ATRNL1: variants seen among roughly 807,000 people sequenced by gnomAD.
ATRNL1 encodes attractin-like protein 1.
A neutral mutation model predicts 182.7 loss-of-function variants in ATRNL1; 95 were observed. The ratio of observed to expected loss-of-function variants is 0.52; its 90% confidence interval spans 0.44 to 0.62. ATRNL1 has a LOEUF of 0.62. ATRNL1 is among the 20% of genes least tolerant of loss of function. The probability of loss-of-function intolerance (pLI) is 0.00; values close to 1 mark genes in which losing one functional copy is unlikely to be tolerated. For missense variants in ATRNL1, 1,471 were observed against 1,679.5 expected (o/e 0.88, Z 2.17); for synonymous variants, 576 against 568.3 (o/e 1.01, Z -0.19).
chr10:115,287,924 G>GTTTTTTTTTTTT (rs11298663), intron 15 of ATRNL1, among the ~76,000 whole-genome samples: 2 of 91,020 alleles, frequency 2.2e-5, no homozygotes, highest in Non-Finnish European at 4.3e-5. Flanking sequence ...AAGATCAACT[G>GTTTTTTTTTTTT]TTTTTTTTTT....
At chr10:115,210,481 C>T (rs1482318209) in intron 8 of ATRNL1, among the ~76,000 whole-genome samples, 1 of 151,898 alleles carries the variant, frequency 6.6e-6, no homozygotes, top group East Asian at 1.9e-4. Flanking sequence ...CACATACCTC[C>T]TTTCTACCCT....
chr10:115,589,971 TTGTC>T (rs1175766120), intron 26 of ATRNL1, among the ~76,000 whole-genome samples: 3 of 152,230 alleles, frequency 2.0e-5, no homozygotes, highest in African/African-American at 7.2e-5. Context: ...TTTGTGTTGG[TTGTC>T]TGTAAGTTAG....
intron 8 of ATRNL1, among the ~76,000 whole-genome samples, chr10:115,189,069 A>G (rs1554889341): frequency 1.3e-5 from 2 of 152,136 alleles, no homozygotes; most frequent in African/African-American, 4.8e-5. Context: ...CAGACTGAAT[A>G]TATGATGGAG....
intron 13 of ATRNL1, among the ~76,000 whole-genome samples, chr10:115,269,357 CAG>C (rs1199185335): frequency 6.6e-6 from 1 of 152,012 alleles, no homozygotes; most frequent in African/African-American, 2.4e-5. Flanking sequence ...TTTTTTGAGA[CAG>C]AGTCTCACTC....
intron 27 of ATRNL1, among the ~76,000 whole-genome samples, chr10:115,783,564 C>G (rs1267808254): frequency 6.6e-6 from 1 of 152,034 alleles, no homozygotes; most frequent in African/African-American, 2.4e-5. Context: ...TGCAAAGTAC[C>G]TACACATTTA....
chr10:115,836,425 T>C lies in ATRNL1; in HGVS notation c.3904-11452T>C, dbSNP rs553345997. Among the ~76,000 whole-genome samples, 7 of 152,268 alleles carry C rather than the reference T, an allele frequency of 4.6e-5. No homozygotes were observed. In the South Asian group the frequency reaches 1.5e-3, roughly 32 times the overall value. On this transcript the variant is annotated intron_variant, in intron 27 of 28. Transcript: ENST00000355044. The stretch of plus-strand genomic sequence containing the variant: ...TCCTGAGGGCTAAATTACCACAAAC[T>C]TGGTGGCTTAAAAAAACAGTCTGGG...
intron 19 of ATRNL1, among the ~76,000 whole-genome samples, chr10:115,349,146 A>G (rs911591889): frequency 3.3e-5 from 5 of 152,182 alleles, no homozygotes; most frequent in African/African-American, 4.8e-5. Flanking sequence ...AGTAACCACC[A>G]TTTCATTCAC....
chr10:115,850,376 A>G (rs1426647955), intron 28 of ATRNL1, among the ~76,000 whole-genome samples: 1 of 152,204 alleles, frequency 6.6e-6, no homozygotes, highest in Non-Finnish European at 1.5e-5. Flanking sequence ...ATCATCATCT[A>G]GGTTTTCCCA....
chr10:115,113,020 G>A (rs1844324538), intron 1 of ATRNL1, among the ~76,000 whole-genome samples: 1 of 152,176 alleles, frequency 6.6e-6, no homozygotes, highest in Non-Finnish European at 1.5e-5. Context: ...AATTGTAACA[G>A]GTGAAGCATG....
At chr10:115,658,090 CTTTTTTTTTTTT>C (rs71010038) in intron 26 of ATRNL1, among the ~76,000 whole-genome samples, 1 of 90,288 alleles carries the variant, frequency 1.1e-5, no homozygotes, top group African/African-American at 4.3e-5. Flanking sequence ...AATTTTTTTC[CTTTTTTTTTTTT>C]TTTTTTTTTT....
chr10:115,165,890 C>T (rs1250174341), intron 7 of ATRNL1, among the ~76,000 whole-genome samples: 2 of 152,014 alleles, frequency 1.3e-5, no homozygotes, highest in Non-Finnish European at 2.9e-5. Flanking sequence ...CCTAGTCAAT[C>T]ACTTAAAAAA....
At chr10:115,599,811 T>TA (rs1169852314) in intron 26 of ATRNL1, among the ~76,000 whole-genome samples, 2 of 152,176 alleles carry the variant, frequency 1.3e-5, no homozygotes, top group Admixed American at 1.3e-4. Context: ...TGTGCTAACT[T>TA]AAAAAATCAA....
chr10:115,822,122 A>T (rs1386993882), intron 27 of ATRNL1, among the ~76,000 whole-genome samples: 2 of 152,256 alleles, frequency 1.3e-5, no homozygotes, highest in African/African-American at 4.8e-5. Context: ...AGGATTAAGA[A>T]ACTCACTCAA....
intron 18 of ATRNL1, among the ~76,000 whole-genome samples, chr10:115,321,070 T>C (rs1554931328): frequency 6.6e-6 from 1 of 152,180 alleles, no homozygotes; most frequent in African/African-American, 2.4e-5. Flanking sequence ...CTGTTTACCC[T>C]TGGATAGGGT....
intron 26 of ATRNL1, among the ~76,000 whole-genome samples, chr10:115,595,569 C>T (rs1280810672): frequency 6.6e-6 from 1 of 151,936 alleles, no homozygotes; most frequent in Non-Finnish European, 1.5e-5. Flanking sequence ...ATTTTCATTT[C>T]CTTGTTTGCT....
intron 28 of ATRNL1, among the ~76,000 whole-genome samples, chr10:115,861,823 G>T (rs1951323285): frequency 6.6e-6 from 1 of 151,930 alleles, no homozygotes; most frequent in South Asian, 2.1e-4. Context: ...CAAAAATGAG[G>T]CCAGGAGCAG....
At chr10:115,177,890 G>T (rs375801031) in intron 8 of ATRNL1, among the ~76,000 whole-genome samples, 8 of 131,840 alleles carry the variant, frequency 6.1e-5, no homozygotes, top group Non-Finnish European at 8.3e-5. Flanking sequence ...TTTTTTTTTG[G>T]TTTTGTTTTT....
chr10:115,174,217 C>T (rs1554886302), intron 8 of ATRNL1, among the ~76,000 whole-genome samples: 1 of 151,508 alleles, frequency 6.6e-6, no homozygotes, highest in East Asian at 1.9e-4. Context: ...TTTTTACCCT[C>T]GTAATTTCTC....
chr10:115,453,101 C>T (rs1847356482), intron 21 of ATRNL1, among the ~76,000 whole-genome samples: 1 of 152,090 alleles, frequency 6.6e-6, no homozygotes, highest in African/African-American at 2.4e-5. Context: ...TGTCAACAAA[C>T]ACTAAGGTTG....
Sources: gnomAD v4.1 joint callset for allele counts (sites outside exome capture counted in the v4.1 genomes callset) on GRCh38, gnomAD v4.1.1 for gene constraint, MANE v1.5 for transcripts, NCBI Gene and HGNC (gene_info 2026-07-23, HGNC 2026-07-21) for gene names.